The following PRSS12 variants were observed in gnomAD, a reference collection of about 807,000 sequenced individuals.
The protein encoded by PRSS12 is serine protease 12, also known as neurotrypsin.
A neutral mutation model predicts 104.4 loss-of-function variants in PRSS12; 85 were observed. The observed-to-expected ratio is 0.81, with a 90% confidence interval of 0.68 to 0.98. PRSS12 has a LOEUF of 0.98. Ranked by LOEUF, PRSS12 falls within the 50% of genes least tolerant of loss-of-function variation. The pLI, the probability that PRSS12 is intolerant of heterozygous loss-of-function variation, is 0.00. For missense variants in PRSS12, 1,141 were observed against 1,139.2 expected, an observed-to-expected ratio of 1.00 and a Z score of -0.02; for synonymous variants, 454 against 425.2, an observed-to-expected ratio of 1.07 and a Z score of -0.83.
At chr4:118,329,488 C>T (rs1723863994) in intron 4 of PRSS12, among the ~76,000 whole-genome samples, 1 of 152,108 alleles carries the variant, frequency 6.6e-6, no homozygotes, top group Non-Finnish European at 1.5e-5. Context: ...GAACACATAA[C>T]TGATAACCCA....
At chr4:118,345,201 C>G (rs1724328681) in intron 1 of PRSS12, among the ~76,000 whole-genome samples, 1 of 152,184 alleles carries the variant, frequency 6.6e-6, no homozygotes, top group Non-Finnish European at 1.5e-5. Context: ...CACTTTGTAT[C>G]CCCTCTGCTG....
At chr4:118,320,747 T>C (rs1183111362) in intron 4 of PRSS12, among the ~76,000 whole-genome samples, 1 of 152,126 alleles carries the variant, frequency 6.6e-6, no homozygotes, top group East Asian at 1.9e-4. Context: ...AGAGAAATCC[T>C]GTCTCAAAAT....
intron 1 of PRSS12, among the ~76,000 whole-genome samples, chr4:118,346,885 C>T (rs1433031165): frequency 7.2e-5 from 11 of 152,140 alleles, no homozygotes; most frequent in Non-Finnish European, 1.6e-4. Flanking sequence ...GGAAAAACTG[C>T]CTTCCACAGA....
chr4:118,310,241 T>C (rs1480804330), intron 7 of PRSS12, among the ~76,000 whole-genome samples: 2 of 152,238 alleles, frequency 1.3e-5, no homozygotes, highest in Non-Finnish European at 2.9e-5. Flanking sequence ...TTTCACTTTT[T>C]ATATTTTTGG....
chr4:118,305,743 G>C (rs1434824969), intron 8 of PRSS12, among the ~76,000 whole-genome samples: 1 of 152,108 alleles, frequency 6.6e-6, no homozygotes, highest in Non-Finnish European at 1.5e-5. Context: ...TTGTACGGTA[G>C]ATCTCTAGAA....
Position 118,295,042 on chromosome 4 carries a change from C to T in PRSS12, c.1936G>A (p.Val646Ile), listed in dbSNP as rs756956608. 2 of 1,614,084 alleles carry T rather than the reference C, an allele frequency of 1.2e-6. No individual in the cohort carries two copies. The highest frequency in any genetic ancestry group is 1.7e-5 in the Admixed American group (1 of 60,008). Reference protein sequence around the residue: ...NSLRGGWPWQVSLRLKSSHGD... With the variant: ...NSLRGGWPWQISLRLKSSHGD... ...TGGGATGACTTCAGCCGGAGGGAAA[C>T]CTGCCAAGGCCAACCACCCCTAAGA... is the stretch of plus-strand genomic sequence containing the variant. The change falls in exon 11 of 13, where the codon GTT (valine) becomes ATT (isoleucine). Residue 646 changes from valine (V) to isoleucine (I), a missense_variant. Val to Ile is a conservative substitution (Grantham distance 29). Coordinates refer to ENST00000296498, the MANE Select transcript of PRSS12 (RefSeq NM_003619.4).
rs78400045 is a variant in PRSS12 at position 118,325,238 on chromosome 4, C to A, written c.971+6478G>T. On this transcript the variant is annotated intron_variant, in intron 4 of 12. Coordinates refer to ENST00000296498, the MANE Select transcript of PRSS12 (RefSeq NM_003619.4). ...GAGCAACAGACACTGCAGGCTACTGCGGGATGAGAGACGTAGGTTGAAAAA... is the reference window on the plus strand; with the variant it reads ...GAGCAACAGACACTGCAGGCTACTGAGGGATGAGAGACGTAGGTTGAAAAA... 6.4e-4 allele frequency among the ~76,000 whole-genome samples: 97 copies of A among 150,738 alleles called. 3 individuals carry two copies. The East Asian group carries it at 0.018, about 28-fold the overall frequency.
intron 7 of PRSS12, among the ~76,000 whole-genome samples, chr4:118,309,004 T>C (rs546588920): frequency 6.6e-6 from 1 of 152,202 alleles, no homozygotes; most frequent in East Asian, 1.9e-4. Context: ...AAAGACAAGA[T>C]TTTTAGAACG....
chr4:118,310,978 G>C (rs1038653044), intron 7 of PRSS12, among the ~76,000 whole-genome samples: 2 of 152,084 alleles, frequency 1.3e-5, no homozygotes, highest in Non-Finnish European at 2.9e-5. Context: ...TTGAATCCGG[G>C]AGGTGGAGGT....
At chr4:118,289,518 C>T (rs1743085053) in intron 11 of PRSS12, among the ~76,000 whole-genome samples, 2 of 152,172 alleles carry the variant, frequency 1.3e-5, no homozygotes, top group African/African-American at 4.8e-5. Flanking sequence ...TCTAAAAGGA[C>T]AGGAACCTCT....
At chr4:118,292,986 G>C (rs1743163658) in intron 11 of PRSS12, among the ~76,000 whole-genome samples, 1 of 151,734 alleles carries the variant, frequency 6.6e-6, no homozygotes, top group African/African-American at 2.4e-5. Context: ...CTACACTCCA[G>C]CTAGGGCAAC....
intron 1 of PRSS12, among the ~76,000 whole-genome samples, chr4:118,343,729 C>T (rs1395780961): frequency 6.6e-6 from 1 of 152,164 alleles, no homozygotes; most frequent in Non-Finnish European, 1.5e-5. Flanking sequence ...ATACTCCAGC[C>T]TGAGCAACAA....
chr4:118,327,697 G>C (rs1723811779), intron 4 of PRSS12, among the ~76,000 whole-genome samples: 1 of 152,062 alleles, frequency 6.6e-6, no homozygotes, highest in Admixed American at 6.5e-5. Flanking sequence ...TTAATGTTAA[G>C]CACATAAAAA....
At chr4:118,336,762 G>A (rs899453103) in intron 2 of PRSS12, among the ~76,000 whole-genome samples, 1 of 151,950 alleles carries the variant, frequency 6.6e-6, no homozygotes, top group African/African-American at 2.4e-5. Context: ...CTGATTTTCC[G>A]GGGTAATAAA....
chr4:118,289,017 A>G (rs552010980), intron 11 of PRSS12, among the ~76,000 whole-genome samples: 1 of 152,290 alleles, frequency 6.6e-6, no homozygotes, highest in East Asian at 1.9e-4. Flanking sequence ...AGTTACGAAA[A>G]CTTTGCCAGC....
At chr4:118,335,389 T>A (rs975519234) in intron 3 of PRSS12, 84 bp downstream of exon 3, 2 of 1,498,514 alleles carry the variant, frequency 1.3e-6, no homozygotes, top group Admixed American at 1.9e-5. Flanking sequence ...AAGGAAATGA[T>A]TATAACTAAG....
chr4:118,322,562 A>ACTTACTG (rs1560778328), intron 4 of PRSS12, among the ~76,000 whole-genome samples: 1 of 149,858 alleles, frequency 6.7e-6, no homozygotes, highest in Non-Finnish European at 1.5e-5. Context: ...AAAAAAAAAA[A>ACTTACTG]AAATTACAAT....
chr4:118,346,386 A>G (rs998509635), intron 1 of PRSS12, among the ~76,000 whole-genome samples: 8 of 119,328 alleles, frequency 6.7e-5, no homozygotes, highest in African/African-American at 2.0e-4. Context: ...CTTTATTTTC[A>G]CAGTCATAAT....
intron 1 of PRSS12, among the ~76,000 whole-genome samples, chr4:118,347,263 C>A (rs4279285): frequency 0.83 from 125,554 of 152,150 alleles, 54,342 homozygotes; most frequent in Non-Finnish European, 0.95. Flanking sequence ...AAGATGTAGC[C>A]CTTAAAAGTG....
Sources: gnomAD v4.1 joint callset for allele counts (sites outside exome capture counted in the v4.1 genomes callset) on GRCh38, gnomAD v4.1.1 for gene constraint, MANE v1.5 for transcripts, NCBI Gene and HGNC (gene_info 2026-07-23, HGNC 2026-07-21) for gene names.